SHISA9: variants seen among roughly 807,000 people sequenced by gnomAD.
SHISA9 encodes shisa family member 9.
In SHISA9, 13 loss-of-function variants were observed where a neutral mutation model predicts 38.0. The observed-to-expected ratio is 0.34, with a 90% confidence interval of 0.22 to 0.54. The LOEUF (loss-of-function observed/expected upper bound fraction) is 0.54, where lower values mean the gene tolerates loss of function less well. Among genes scored for constraint, SHISA9 ranks in the 20% least tolerant of loss-of-function variants. The pLI is 0.91. For missense variants in SHISA9, 538 were observed against 575.8 expected, an observed-to-expected ratio of 0.93 and a Z score of 0.67; for synonymous variants, 275 against 242.0, an observed-to-expected ratio of 1.14 and a Z score of -1.27.
At chr16:13,120,393 G>A (rs988970543) in intron 2 of SHISA9, among the ~76,000 whole-genome samples, 1 of 152,134 alleles carries the variant, frequency 6.6e-6, no homozygotes, top group African/African-American at 2.4e-5. Context: ...CCACGAAAAG[G>A]ATGAAGCTGG....
chr16:13,213,219 G>T (rs1449343437), intron 3 of SHISA9, 34 bp from the exon 4 acceptor site: 1 of 1,548,620 alleles, frequency 6.5e-7, no homozygotes, highest in East Asian at 2.4e-5. Flanking sequence ...CCTGCAAACA[G>T]ATCATCAGCA....
Position 13,104,994 on chromosome 16 carries a change from A to G in SHISA9, c.692-98400A>G, listed in dbSNP as rs538891463. Among the ~76,000 whole-genome samples the G allele has an allele frequency of 3.3e-5, 5 of 152,342 alleles. No individual in the cohort carries two copies. In the East Asian group the frequency reaches 9.6e-4, roughly 29 times the overall value. Reference sequence around the variant, plus strand: ...TTGAGCCTCAGTTTCCCTGTCCATAAAATGGGCGTAAATACTACTTCATAG... The same window carrying G: ...TTGAGCCTCAGTTTCCCTGTCCATAGAATGGGCGTAAATACTACTTCATAG... On this transcript the variant is annotated intron_variant, in intron 2 of 4. Transcript: ENST00000558583.
At chr16:13,091,976 A>C (rs2073779610) in intron 2 of SHISA9, among the ~76,000 whole-genome samples, 1 of 152,106 alleles carries the variant, frequency 6.6e-6, no homozygotes, top group Non-Finnish European at 1.5e-5. Context: ...TGACCTACAG[A>C]TGGGGTTCTG....
downstream of SHISA9, among the ~76,000 whole-genome samples, chr16:13,243,126 C>T (rs1390721937): frequency 6.6e-6 from 1 of 151,890 alleles, no homozygotes; most frequent in East Asian, 1.9e-4. Flanking sequence ...GTAGTCCCAG[C>T]TACTCAGCAG....
chr16:13,485,657 A>G, the SHISA9 span, among the ~76,000 whole-genome samples: 4 of 152,136 alleles, frequency 2.6e-5, no homozygotes, highest in Non-Finnish European at 5.9e-5. Flanking sequence ...GAACATTTCA[A>G]TTCTTCTCTT....
intron 2 of SHISA9, among the ~76,000 whole-genome samples, chr16:13,074,287 GCA>G (rs1413247899): frequency 1.3e-5 from 2 of 151,796 alleles, no homozygotes; most frequent in African/African-American, 4.8e-5. Flanking sequence ...CTGTTTTAAA[GCA>G]CACAGTTTGT....
At chr16:13,413,789 ATGT>A in the SHISA9 span, among the ~76,000 whole-genome samples, 12 of 143,360 alleles carry the variant, frequency 8.4e-5, no homozygotes, top group Admixed American at 2.8e-4. Context: ...AAAAAAAGAC[ATGT>A]TGTTGTTGCT....
the SHISA9 span, among the ~76,000 whole-genome samples, chr16:13,330,729 G>A: frequency 4.6e-5 from 7 of 152,250 alleles, no homozygotes; most frequent in South Asian, 1.5e-3. Context: ...CCTTGTTGTG[G>A]GTGTCAAAGT....
intron 2 of SHISA9, among the ~76,000 whole-genome samples, chr16:12,939,978 GA>G (rs2071587667): frequency 6.6e-6 from 1 of 152,154 alleles, no homozygotes; most frequent in African/African-American, 2.4e-5. Context: ...ATATTTTCAG[GA>G]ATACTGCCTT....
chr16:13,483,901 A>G, the SHISA9 span, among the ~76,000 whole-genome samples: 1 of 152,130 alleles, frequency 6.6e-6, no homozygotes, highest in Non-Finnish European at 1.5e-5. Flanking sequence ...TTTACAATAA[A>G]CTGATAAATG....
At chr16:13,115,234 C>T (rs1417347907) in intron 2 of SHISA9, among the ~76,000 whole-genome samples, 2 of 152,116 alleles carry the variant, frequency 1.3e-5, no homozygotes, top group Non-Finnish European at 2.9e-5. Flanking sequence ...CCTATCAGCA[C>T]TAGAGGAATT....
chr16:13,187,907 A>G (rs539171091), intron 2 of SHISA9, among the ~76,000 whole-genome samples: 1 of 152,132 alleles, frequency 6.6e-6, no homozygotes, highest in Admixed American at 6.6e-5. Flanking sequence ...ATAAAGCCTG[A>G]TATGGGATTG....
chr16:12,997,193 A>G (rs1438192718), intron 2 of SHISA9, among the ~76,000 whole-genome samples: 1 of 151,908 alleles, frequency 6.6e-6, no homozygotes, highest in Non-Finnish European at 1.5e-5. Flanking sequence ...GTAGTTTTGC[A>G]TGGTCCTGAA....
chr16:13,521,952 T>C, the SHISA9 span, among the ~76,000 whole-genome samples: 1 of 152,230 alleles, frequency 6.6e-6, no homozygotes, highest in Non-Finnish European at 1.5e-5. Flanking sequence ...ATTTAACTGT[T>C]AAATTTATTA....
the SHISA9 span, among the ~76,000 whole-genome samples, chr16:13,370,725 G>A: frequency 6.6e-6 from 1 of 152,070 alleles, no homozygotes; most frequent in African/African-American, 2.4e-5. Context: ...TTTGGTTAGT[G>A]CTGAAAAGCT....
chr16:13,419,554 A>G, the SHISA9 span, among the ~76,000 whole-genome samples: 1 of 152,218 alleles, frequency 6.6e-6, no homozygotes, highest in East Asian at 1.9e-4. Flanking sequence ...GTTTGAAGAC[A>G]TGTGGGAAGT....
chr16:13,273,225 C>T, the SHISA9 span, among the ~76,000 whole-genome samples: 3 of 152,192 alleles, frequency 2.0e-5, no homozygotes, highest in African/African-American at 7.2e-5. Flanking sequence ...TTCTACACTC[C>T]TGGTAAGACA....
chr16:13,099,249 A>C (rs1033704601), intron 2 of SHISA9, among the ~76,000 whole-genome samples: 3 of 152,168 alleles, frequency 2.0e-5, no homozygotes, highest in Non-Finnish European at 4.4e-5. Context: ...TTACAGAAAA[A>C]GTTGCTGATC....
the SHISA9 span, among the ~76,000 whole-genome samples, chr16:13,303,929 C>T: frequency 6.6e-6 from 1 of 152,084 alleles, no homozygotes; most frequent in Non-Finnish European, 1.5e-5. Flanking sequence ...CCACAAGAAT[C>T]ATATCCCTGG....
Sources: allele counts gnomAD v4.1 joint callset (sites outside exome capture counted in the v4.1 genomes callset), GRCh38; gene constraint gnomAD v4.1.1; transcripts MANE v1.5; gene names NCBI Gene and HGNC (gene_info 2026-07-23, HGNC 2026-07-21).